Variants in GBF1 observed in about 807,000 individuals in gnomAD.
GBF1 encodes the protein Golgi-specific brefeldin A-resistance guanine nucleotide exchange factor 1.
Under a neutral mutation model 210.5 loss-of-function variants are expected in GBF1, and 114 were observed. The observed-to-expected ratio is 0.54, with a 90% CI of 0.47 to 0.63. GBF1 has a LOEUF of 0.63. Among genes scored for constraint, GBF1 ranks in the 30% least tolerant of loss-of-function variants. The probability of loss-of-function intolerance (pLI) is 0.00; values close to 1 mark genes in which losing one functional copy is unlikely to be tolerated. For missense variants in GBF1, 1,851 were observed against 2,357.7 expected, an observed-to-expected ratio of 0.79 and a Z score of 4.45; for synonymous variants, 850 against 889.2, an observed-to-expected ratio of 0.96 and a Z score of 0.78.
At chr10:102,270,601 A>C (rs896450248) in intron 3 of GBF1, among the ~76,000 whole-genome samples, 18 of 152,146 alleles carry the variant, frequency 1.2e-4, no homozygotes, top group Admixed American at 5.9e-4. Flanking sequence ...TTTTTTCATG[A>C]TCCATTTGAA....
At position 102,279,750 on chromosome 10, in the gene GBF1, G is replaced by A. The variant is rs563613486; in HGVS notation, c.163+19634G>A. Among the ~76,000 whole-genome samples the A allele has an allele frequency of 7.2e-5, 11 of 152,174 alleles. No homozygotes were observed. The East Asian group carries it at 1.7e-3, about 24-fold the overall frequency. On this transcript the variant is annotated intron_variant, in intron 3 of 39. Transcript: ENST00000369983. ...TCAGGTTTTTTATTGTTATTACTACGGAGAATAGGCTAATGATATGATAAT... is the reference window on the plus strand; with the variant it reads ...TCAGGTTTTTTATTGTTATTACTACAGAGAATAGGCTAATGATATGATAAT...
At position 102,360,278 on chromosome 10, in the gene GBF1, G is replaced by A. The variant is rs755773274; in HGVS notation, c.1275G>A (p.Glu425=). Residue 425 remains glutamate (E), a synonymous_variant, in exon 12 of 40, where the codon GAG becomes GAA. Coordinates refer to ENST00000369983, the MANE Select transcript of GBF1 (RefSeq NM_001377137.1). ...LTNPHDRHNS[E]VMIHMGLHLL... ...ATCCACACGACCGCCATAACTCAGA[G>A]GTTATGATTCACATGGGACTGCATT... 6 of 1,612,468 alleles carry A rather than the reference G, an allele frequency of 3.7e-6. No individual in the cohort carries two copies. In the Admixed American group the frequency reaches 8.3e-5, roughly 22 times the overall value.
At chr10:102,318,688 G>T (rs1281893114) in intron 3 of GBF1, among the ~76,000 whole-genome samples, 1 of 151,724 alleles carries the variant, frequency 6.6e-6, no homozygotes, top group East Asian at 1.9e-4. Flanking sequence ...CCCCTTCAAG[G>T]TCCCCTCCCT....
At chr10:102,258,618 T>A (rs1277903713) in intron 1 of GBF1, among the ~76,000 whole-genome samples, 1 of 150,032 alleles carries the variant, frequency 6.7e-6, no homozygotes, top group Non-Finnish European at 1.5e-5. Context: ...CTAAAAAAAA[T>A]ACAAAATTAG....
rs756749511 is a variant in GBF1, at chr10:102,381,109, A to G, written c.5174-18A>G. The G allele has an allele frequency of 1.9e-6, 3 of 1,612,458 alleles. No individual in the cohort carries two copies. Among genetic ancestry groups the G allele is most frequent in the Admixed American group, 1.7e-5 (1 of 59,908 alleles). ...GAAAGCACTAAGAGGTGCCATCTCA[A>G]TTCTCTACCGTCTCCAGACCCCATG... On this transcript the variant is annotated intron_variant, in intron 38 of 39. Transcript: ENST00000369983.
chr10:102,274,301 T>C (rs964444123), intron 3 of GBF1, among the ~76,000 whole-genome samples: 7 of 152,162 alleles, frequency 4.6e-5, no homozygotes, highest in Admixed American at 3.3e-4. Flanking sequence ...AAGAATAGCA[T>C]TGGTGTTGTC....
intron 3 of GBF1, among the ~76,000 whole-genome samples, chr10:102,335,563 C>T (rs1455079107): frequency 6.6e-6 from 1 of 152,108 alleles, no homozygotes; most frequent in Non-Finnish European, 1.5e-5. Context: ...TCTGTTCTAG[C>T]CTTGTAGGAA....
intron 10 of GBF1, 110 bp downstream of exon 10, chr10:102,358,839 C>T (rs1039344957): frequency 4.4e-6 from 3 of 686,354 alleles, no homozygotes; most frequent in Non-Finnish European, 7.6e-6. Flanking sequence ...GGGGTAACTT[C>T]AAAAGAAGCT....
chr10:102,237,411 G>A, the GBF1 span, among the ~76,000 whole-genome samples: 1 of 152,164 alleles, frequency 6.6e-6, no homozygotes, highest in East Asian at 1.9e-4. Flanking sequence ...GCCTAGGTTA[G>A]TCAGAGTCTC....
At chr10:102,339,527 C>T (rs1248914265) in intron 3 of GBF1, among the ~76,000 whole-genome samples, 1 of 150,940 alleles carries the variant, frequency 6.6e-6, no homozygotes, top group Non-Finnish European at 1.5e-5. Context: ...ATTAACTGGG[C>T]GTGGTGGCAC....
rs375942133 is a variant in GBF1 at position 102,314,809 on chromosome 10, A to G, written c.164-29242A>G. On this transcript the variant is annotated intron_variant, in intron 3 of 39. Coordinates refer to ENST00000369983, the MANE Select transcript of GBF1 (RefSeq NM_001377137.1). ...TCTTCCCCTTCTTTGCTCTTTCAGCAGAGATGGCATTAATATGAAAAACAT... is the reference window on the plus strand; with the variant it reads ...TCTTCCCCTTCTTTGCTCTTTCAGCGGAGATGGCATTAATATGAAAAACAT... Among the ~76,000 whole-genome samples the G allele has an allele frequency of 6.8e-4, 103 of 152,306 alleles. 1 individual carries two copies. Among genetic ancestry groups the G allele is most frequent in the African/African-American group, 2.4e-3 (98 of 41,576 alleles).
chr10:102,355,009 C>T (rs2059211645), intron 8 of GBF1, among the ~76,000 whole-genome samples: 1 of 151,764 alleles, frequency 6.6e-6, no homozygotes, highest in South Asian at 2.1e-4. Context: ...CAGGATAGCC[C>T]AGGACACTGG....
intron 3 of GBF1, among the ~76,000 whole-genome samples, chr10:102,315,089 T>C (rs1404461015): frequency 6.6e-6 from 1 of 152,206 alleles, no homozygotes; most frequent in Non-Finnish European, 1.5e-5. Flanking sequence ...AAACATCGCT[T>C]ATTACCAATT....
In GBF1 at chr10:102,366,520, TCAGGGGCTGAGCC is replaced by T; in HGVS notation, c.2433+19_2433+31del. On this transcript the variant is annotated intron_variant, in intron 19 of 39. Transcript: ENST00000369983. The surrounding 1 kb of genome is among the most constrained non-coding windows in gnomAD (Gnocchi z 4.0). ...GAGCGTTGGATGGTGAGTTTGAGTG[TCAGGGGCTGAGCC>T]CAGGATCCAAGGTCAGTTTGACTGA... is the stretch of plus-strand genomic sequence containing the variant. 6.2e-7 allele frequency: 1 copy of T among 1,612,142 alleles called. No homozygotes were observed. Among genetic ancestry groups the T allele is most frequent in the Non-Finnish European group, 8.5e-7 (1 of 1,179,004 alleles).
chr10:102,274,179 T>C (rs1174226173), intron 3 of GBF1, among the ~76,000 whole-genome samples: 1 of 152,246 alleles, frequency 6.6e-6, no homozygotes, highest in Non-Finnish European at 1.5e-5. Flanking sequence ...TGAGAAGCTC[T>C]GGAATTTGAG....
At chr10:102,381,822 C>T (rs367549123) in intron 39 of GBF1, among the ~76,000 whole-genome samples, 1,698 of 57,700 alleles carry the variant, frequency 0.029, 25 homozygotes, top group Middle Eastern at 0.15. Flanking sequence ...GACCCTGTCG[C>T]GAAAAAAAAA....
chr10:102,231,902 T>A, the GBF1 span: 19 of 1,560,002 alleles, frequency 1.2e-5, no homozygotes, highest in Non-Finnish European at 1.7e-5. Flanking sequence ...CCAGCCGGGG[T>A]CCCACCCGCA....
At chr10:102,343,333 C>T (rs755604143) in intron 3 of GBF1, among the ~76,000 whole-genome samples, 20 of 152,146 alleles carry the variant, frequency 1.3e-4, no homozygotes, top group Non-Finnish European at 2.8e-4. Flanking sequence ...ACCTTGGGAC[C>T]TAAGGGTCGC....
At chr10:102,311,750 T>C (rs2078456067) in intron 3 of GBF1, among the ~76,000 whole-genome samples, 1 of 152,192 alleles carries the variant, frequency 6.6e-6, no homozygotes, top group African/African-American at 2.4e-5. Context: ...GAATCAACTA[T>C]TCCTATGCCC....
Sources: gnomAD v4.1 joint callset for allele counts (sites outside exome capture counted in the v4.1 genomes callset) on GRCh38, gnomAD v4.1.1 for gene constraint, Gnocchi (gnomAD v3.1) non-coding constraint, MANE v1.5 for transcripts, NCBI Gene and HGNC (gene_info 2026-07-23, HGNC 2026-07-21) for gene names.